Variants in APPBP2 observed in about 807,000 individuals in gnomAD.
APPBP2 encodes the protein amyloid protein-binding protein 2.
APPBP2 carries 15 observed loss-of-function variants against 76.0 expected under a neutral mutation model. That is an observed-to-expected ratio of 0.20 (90% CI 0.13 to 0.30). The LOEUF (loss-of-function observed/expected upper bound fraction) is 0.30, where lower values mean the gene tolerates loss of function less well. Among genes scored for constraint, APPBP2 ranks in the 10% least tolerant of loss-of-function variants. The pLI is 1.00. For missense variants in APPBP2, 401 were observed against 687.2 expected (o/e 0.58, Z 4.66); for synonymous variants, 222 against 242.2 (o/e 0.92, Z 0.77).
At chr17:60,491,635 C>G (rs9909702) in intron 3 of APPBP2, among the ~76,000 whole-genome samples, 31,079 of 151,886 alleles carry the variant, frequency 0.2, 10,576 homozygotes, top group African/African-American at 0.71. Flanking sequence ...AGTAGAGATA[C>G]GGTTTCACCA....
intron 3 of APPBP2, among the ~76,000 whole-genome samples, chr17:60,480,035 G>A (rs2090617514): frequency 6.6e-6 from 1 of 152,100 alleles, no homozygotes; most frequent in African/African-American, 2.4e-5. Flanking sequence ...TCCCTATACT[G>A]CAACAGTTAT....
chr17:60,487,116 T>C (rs2090686044), intron 3 of APPBP2, among the ~76,000 whole-genome samples: 1 of 152,200 alleles, frequency 6.6e-6, no homozygotes, highest in Non-Finnish European at 1.5e-5. Context: ...TCTTTCTGGC[T>C]GCTCTTAACA....
chr17:60,459,494 T>A lies in APPBP2; in HGVS notation c.1061+1169A>T, dbSNP rs1327367475. 2.0e-5 allele frequency: 3 copies of A among 147,876 alleles called. No homozygotes were observed. The South Asian group carries it at 6.5e-4, about 32-fold the overall frequency. 9.2% of individuals were successfully genotyped at this position (147,876 alleles called of 1,614,324 possible). ...TTTCCCTGGGGTTGTAGTCCCTTTT[T>A]TTTTTTTTTTTTTTTGGAGACAGAG... On this transcript the variant is annotated intron_variant, in intron 9 of 12. Transcript: ENST00000083182.
chr17:60,469,494 T>C (rs1395140789), intron 4 of APPBP2, among the ~76,000 whole-genome samples: 1 of 152,126 alleles, frequency 6.6e-6, no homozygotes, highest in East Asian at 1.9e-4. Context: ...TGGCATTAAT[T>C]ATATTAACTA....
intron 4 of APPBP2, among the ~76,000 whole-genome samples, chr17:60,473,276 A>G (rs2090566547): frequency 1.3e-5 from 2 of 152,222 alleles, no homozygotes; most frequent in South Asian, 4.1e-4. Context: ...TCAAATGCCC[A>G]TCTCTAGCAC....
chr17:60,471,843 G>C (rs996393969), intron 4 of APPBP2, among the ~76,000 whole-genome samples: 1 of 152,006 alleles, frequency 6.6e-6, no homozygotes, highest in Non-Finnish European at 1.5e-5. Flanking sequence ...AACGAGTTAG[G>C]GGCTGGGCGC....
intron 1 of APPBP2, among the ~76,000 whole-genome samples, chr17:60,502,011 T>C (rs980375281): frequency 2.0e-5 from 3 of 152,268 alleles, no homozygotes; most frequent in Admixed American, 6.5e-5. Context: ...TAGACATTTA[T>C]GTTAACATTA....
chr17:60,484,131 C>T (rs969320953), intron 3 of APPBP2, among the ~76,000 whole-genome samples: 1 of 151,970 alleles, frequency 6.6e-6, no homozygotes, highest in Non-Finnish European at 1.5e-5. Flanking sequence ...GTTACTGCAG[C>T]CTTGTAGTAT....
chr17:60,475,268 A>C (rs1009916977), intron 4 of APPBP2, among the ~76,000 whole-genome samples: 6 of 152,154 alleles, frequency 3.9e-5, no homozygotes, highest in African/African-American at 1.2e-4. Flanking sequence ...ACTCAGACAT[A>C]ACATGACATG....
chr17:60,455,473 T>C (rs1321831752), intron 10 of APPBP2, among the ~76,000 whole-genome samples: 2 of 152,190 alleles, frequency 1.3e-5, no homozygotes, highest in East Asian at 1.9e-4. Flanking sequence ...AAATAACACA[T>C]AGGTGACCCA....
chr17:60,524,343 C>G (rs1196535497), intron 1 of APPBP2, among the ~76,000 whole-genome samples: 1 of 152,034 alleles, frequency 6.6e-6, no homozygotes. Context: ...CTGCAGTTTC[C>G]CAGGCTGAGA....
At chr17:60,503,172 C>T (rs2090836780) in intron 1 of APPBP2, among the ~76,000 whole-genome samples, 1 of 144,566 alleles carries the variant, frequency 6.9e-6, no homozygotes, top group South Asian at 2.1e-4. Flanking sequence ...GATACCACGC[C>T]CAGGTAATTT....
intron 3 of APPBP2, among the ~76,000 whole-genome samples, chr17:60,482,071 G>T (rs575508246): frequency 6.6e-6 from 1 of 152,016 alleles, no homozygotes; most frequent in African/African-American, 2.4e-5. Context: ...TAGTAGAGAC[G>T]GGTTTCTCCA....
At chr17:60,470,266 T>C (rs1038066912) in intron 4 of APPBP2, among the ~76,000 whole-genome samples, 6 of 152,170 alleles carry the variant, frequency 3.9e-5, no homozygotes, top group Non-Finnish European at 8.8e-5. Context: ...CCATTTTTTA[T>C]TTTTAATTTT....
intron 1 of APPBP2, among the ~76,000 whole-genome samples, chr17:60,512,051 G>A (rs1051536187): frequency 2.0e-5 from 3 of 151,822 alleles, no homozygotes; most frequent in African/African-American, 4.8e-5. Flanking sequence ...ATTTATTGAA[G>A]ACTTTTGGGT....
chr17:60,463,958 T>G, intron 6 of APPBP2, 63 bp downstream of exon 6: 1 of 1,228,084 alleles, frequency 8.1e-7, no homozygotes. Flanking sequence ...ACAGGTTAAT[T>G]AAAACAAACT....
At chr17:60,495,054 G>A (rs185694422) in intron 2 of APPBP2, among the ~76,000 whole-genome samples, 17 of 146,016 alleles carry the variant, frequency 1.2e-4, no homozygotes, top group East Asian at 6.2e-4. Flanking sequence ...GCGTGGTCTC[G>A]GCTCATTGCA....
At chr17:60,462,138 G>C in intron 6 of APPBP2, 77 bp from the exon 7 acceptor site, 1 of 1,113,072 alleles carries the variant, frequency 9.0e-7, no homozygotes, top group Non-Finnish European at 1.3e-6. Context: ...TATATATTCT[G>C]GCTATAAGAG....
At position 60,516,574 on chromosome 17, in the gene APPBP2, G is replaced by A. The variant is rs571523646; in HGVS notation, c.138+9220C>T. ...GTTGTTGTTCATTCATTTTCATTGT[G>A]TAATATTCTACTACGTGACTATCCC... On this transcript the variant is annotated intron_variant, in intron 1 of 12. Coordinates refer to ENST00000083182, the MANE Select transcript of APPBP2 (RefSeq NM_006380.5). Among the ~76,000 whole-genome samples, 13 of 152,188 alleles carry A rather than the reference G, an allele frequency of 8.5e-5. No individual in the cohort carries two copies. In the South Asian group the frequency reaches 2.5e-3, roughly 29 times the overall value.
Sources: allele counts gnomAD v4.1 joint callset (sites outside exome capture counted in the v4.1 genomes callset), GRCh38; gene constraint gnomAD v4.1.1; transcripts MANE v1.5; gene names NCBI Gene and HGNC (gene_info 2026-07-23, HGNC 2026-07-21).